Variants in VAV3 observed in about 807,000 individuals in gnomAD.
VAV3 encodes the protein vav guanine nucleotide exchange factor 3, also known as guanine nucleotide exchange factor VAV3.
A neutral mutation model predicts 131.2 loss-of-function variants in VAV3; 94 were observed. That is an observed-to-expected ratio of 0.72 (90% CI 0.61 to 0.85). The LOEUF (loss-of-function observed/expected upper bound fraction) is 0.85. Ranked by LOEUF, VAV3 falls within the 40% of genes least tolerant of loss-of-function variation. The pLI is 0.00. For synonymous variants in VAV3, 349 were observed against 342.0 expected (o/e 1.02, Z -0.22); for missense variants, 939 against 1,002.7 (o/e 0.94, Z 0.86).
At chr1:107,868,786 T>G (rs538162816) in intron 2 of VAV3, among the ~76,000 whole-genome samples, 1 of 152,208 alleles carries the variant, frequency 6.6e-6, no homozygotes, top group Non-Finnish European at 1.5e-5. Context: ...TGAAATCATT[T>G]AACTGGTGAA....
intron 19 of VAV3, among the ~76,000 whole-genome samples, chr1:107,678,498 A>G (rs1411574586): frequency 6.6e-6 from 1 of 152,298 alleles, no homozygotes; most frequent in Non-Finnish European, 1.5e-5. Flanking sequence ...TTTTTAGATA[A>G]GTGCATTTGA....
intron 1 of VAV3, among the ~76,000 whole-genome samples, chr1:107,928,231 T>C (rs1571153190): frequency 6.6e-6 from 1 of 152,098 alleles, no homozygotes; most frequent in East Asian, 1.9e-4. Context: ...CTAATGCAGA[T>C]ACAGCCTAGA....
At chr1:107,657,615 C>T (rs920088290) in intron 19 of VAV3, among the ~76,000 whole-genome samples, 2 of 152,146 alleles carry the variant, frequency 1.3e-5, no homozygotes, top group Non-Finnish European at 2.9e-5. Context: ...CGTATTACTT[C>T]TGATCTAGCA....
intron 19 of VAV3, among the ~76,000 whole-genome samples, chr1:107,665,364 T>A (rs1483062973): frequency 6.6e-6 from 1 of 152,054 alleles, no homozygotes; most frequent in Middle Eastern, 3.2e-3. Context: ...GCTGGTTTGG[T>A]TTTTCTTATC....
intron 2 of VAV3, among the ~76,000 whole-genome samples, chr1:107,791,720 T>C (rs890903027): frequency 1.3e-5 from 2 of 152,202 alleles, no homozygotes; most frequent in Non-Finnish European, 2.9e-5. Context: ...CAGGCTTAAA[T>C]AGAATAGCTT....
At chr1:107,716,382 C>A (rs1316945652) in intron 15 of VAV3, among the ~76,000 whole-genome samples, 3 of 152,186 alleles carry the variant, frequency 2.0e-5, no homozygotes, top group Non-Finnish European at 4.4e-5. Flanking sequence ...AATCCCAGCA[C>A]TTTGGGAGGC....
chr1:107,830,651 A>T (rs1005939300), intron 2 of VAV3, among the ~76,000 whole-genome samples: 5 of 151,942 alleles, frequency 3.3e-5, no homozygotes, highest in African/African-American at 1.2e-4. Flanking sequence ...TGCCTGTCAC[A>T]CCCTTCCAAC....
chr1:107,662,431 T>C (rs1017501310), intron 19 of VAV3, among the ~76,000 whole-genome samples: 4 of 152,186 alleles, frequency 2.6e-5, no homozygotes, highest in African/African-American at 7.2e-5. Context: ...CTGCCTCAAG[T>C]GGAGACAATA....
At chr1:107,782,878 T>C (rs981198063) in intron 2 of VAV3, among the ~76,000 whole-genome samples, 7 of 152,192 alleles carry the variant, frequency 4.6e-5, no homozygotes, top group African/African-American at 1.2e-4. Flanking sequence ...CCAAGGACAC[T>C]AAGAAGACTG....
chr1:107,633,765 T>A (rs1310921232), intron 20 of VAV3, among the ~76,000 whole-genome samples: 1 of 152,108 alleles, frequency 6.6e-6, no homozygotes, highest in Non-Finnish European at 1.5e-5. Context: ...ATAGGAAGTC[T>A]AAGTACCCTG....
chr1:107,736,074 A>G (rs1662608810), intron 15 of VAV3, among the ~76,000 whole-genome samples: 1 of 152,240 alleles, frequency 6.6e-6, no homozygotes, highest in African/African-American at 2.4e-5. Flanking sequence ...AATAAACATA[A>G]TTCATCACAT....
At position 107,753,549 on chromosome 1, in the gene VAV3, T is replaced by TATACACACAC. The variant is rs771773884; in HGVS notation, c.1173+1877_1173+1878insGTGTGTGTAT. ...ATACGTATATATATATATATATATA[T>TATACACACAC]ACACACACACACTTTTTTTTTTGAG... On this transcript the variant is annotated intron_variant, in intron 12 of 26. Transcript: ENST00000370056. Among the ~76,000 whole-genome samples the TATACACACAC allele has an allele frequency of 1.9e-3, 152 of 81,986 alleles. 5 individuals are homozygous for TATACACACAC. The highest frequency in any genetic ancestry group is 0.014 in the East Asian group (37 of 2,614). The allele number at this position is 81,986 out of a possible 152,430, so 53.8% of individuals were successfully genotyped here.
At chr1:107,660,122 T>C (rs1201126773) in intron 19 of VAV3, among the ~76,000 whole-genome samples, 1 of 152,110 alleles carries the variant, frequency 6.6e-6, no homozygotes, top group African/African-American at 2.4e-5. Flanking sequence ...CTTTCCCCAC[T>C]CCATGTTTTT....
intron 21 of VAV3, among the ~76,000 whole-genome samples, chr1:107,613,910 G>A (rs1460704944): frequency 2.0e-5 from 3 of 152,092 alleles, no homozygotes; most frequent in African/African-American, 7.2e-5. Flanking sequence ...AGACTGGAGT[G>A]CAGTGGAATA....
At chr1:107,752,515 G>T (rs1170299751) in intron 12 of VAV3, among the ~76,000 whole-genome samples, 1 of 152,142 alleles carries the variant, frequency 6.6e-6, no homozygotes, top group East Asian at 1.9e-4. Flanking sequence ...AGAGTGAAAA[G>T]CCAACAGACA....
chr1:107,823,628 G>C (rs2102367275), intron 2 of VAV3, among the ~76,000 whole-genome samples: 1 of 152,326 alleles, frequency 6.6e-6, no homozygotes, highest in South Asian at 2.1e-4. Context: ...TCACGAGACT[G>C]TCTGTTAATG....
At chr1:107,815,001 C>A (rs987864378) in intron 2 of VAV3, among the ~76,000 whole-genome samples, 1 of 152,032 alleles carries the variant, frequency 6.6e-6, no homozygotes, top group Non-Finnish European at 1.5e-5. Flanking sequence ...GAGAGAGCCC[C>A]CAAAAGTTCC....
chr1:107,772,515 C>T (rs4462178), intron 5 of VAV3, among the ~76,000 whole-genome samples: 46,096 of 151,902 alleles, frequency 0.3, 7,598 homozygotes, highest in Non-Finnish European at 0.37. Flanking sequence ...TGTTTCCTTA[C>T]TAGCGAAATG....
chr1:107,889,939 G>A (rs1671234969), intron 1 of VAV3, among the ~76,000 whole-genome samples: 1 of 152,182 alleles, frequency 6.6e-6, no homozygotes, highest in Admixed American at 6.5e-5. Flanking sequence ...AAAGGCATCT[G>A]GCTGTGGAAA....
Sources: gnomAD v4.1 joint callset for allele counts (sites outside exome capture counted in the v4.1 genomes callset) on GRCh38, gnomAD v4.1.1 for gene constraint, MANE v1.5 for transcripts, NCBI Gene and HGNC (gene_info 2026-07-23, HGNC 2026-07-21) for gene names.